The following ISM2 variants were observed in gnomAD, a reference collection of about 807,000 sequenced individuals.
ISM2 encodes the protein isthmin-2.
A neutral mutation model predicts 58.0 loss-of-function variants in ISM2; 50 were observed. The ratio of observed to expected loss-of-function variants is 0.86; its 90% CI spans 0.69 to 1.09. ISM2 has a LOEUF of 1.09. ISM2 is among the 50% of genes least tolerant of loss of function. The probability of loss-of-function intolerance (pLI) is 0.00; values close to 1 mark genes in which losing one functional copy is unlikely to be tolerated. For missense variants in ISM2, 723 were observed against 745.0 expected (o/e 0.97, Z 0.34); for synonymous variants, 303 against 312.4 (o/e 0.97, Z 0.32).
Position 77,482,489 on chromosome 14 carries a change from T to G in ISM2, c.806A>C (p.Lys269Thr). ...TGAAGGATAGTCCTCGTCTTCCTCC[T>G]TTTCCTCCCCCTTCTCCCCTGGGGC... ...DRAPGEKGEE[K>T]EEDEDYPSED... Residue 269 changes from lysine to threonine, a missense_variant, in exon 4 of 7, where the codon AAG becomes ACG. Lys to Thr is a moderately conservative substitution (Grantham distance 78, BLOSUM62 -1). Transcript: ENST00000342219. 3.7e-6 allele frequency: 6 copies of G among 1,614,168 alleles called. No individual in the cohort carries two copies. The highest frequency in any genetic ancestry group is 5.1e-6 in the Non-Finnish European group (6 of 1,180,018).
chr14:77,480,713 G>A (rs11844300), intron 4 of ISM2, among the ~76,000 whole-genome samples: 107,272 of 151,524 alleles, frequency 0.71, 39,901 homozygotes, highest in East Asian at 0.96. Context: ...AGGCGCCGCT[G>A]TGCCCAACTA....
rs370923800 is a variant in ISM2 at position 77,478,646 on chromosome 14, T to C, written c.1043A>G (p.Gln348Arg). 1.1e-4 allele frequency: 173 copies of C among 1,613,862 alleles called. No homozygotes were observed. The highest frequency in any genetic ancestry group is 1.4e-4 in the Non-Finnish European group (168 of 1,179,890). ...CSGNCSTGKQ[Q>R]RTRPCGYGCT... is the part of the protein sequence containing the mutation. ...GCCATAGCCACAGGGCCGAGTCCTC[T>C]GCTGCTTGCCAGTGCTGCAGTTCCC... Residue 348 changes from glutamine (Q) to arginine (R), a missense_variant, in exon 5 of 7, where the codon CAG becomes CGG. Coordinates refer to ENST00000342219, the MANE Select transcript of ISM2 (RefSeq NM_199296.3).
chr14:77,492,269 C>T (rs988750395), intron 1 of ISM2, among the ~76,000 whole-genome samples: 1 of 152,114 alleles, frequency 6.6e-6, no homozygotes, highest in Non-Finnish European at 1.5e-5. Flanking sequence ...GTGGTGGGTG[C>T]CAGGTTTAGG....
intron 1 of ISM2, among the ~76,000 whole-genome samples, chr14:77,487,108 G>C (rs2079172615): frequency 1.3e-5 from 2 of 151,882 alleles, no homozygotes; most frequent in Non-Finnish European, 2.9e-5. Flanking sequence ...AGCTGGGCAT[G>C]GTGGCAGGTG....
chr14:77,484,073 C>T lies in ISM2; in HGVS notation c.627+250G>A, dbSNP rs147574656. On this transcript the variant is annotated intron_variant, in intron 3 of 6. Coordinates refer to ENST00000342219, the MANE Select transcript of ISM2 (RefSeq NM_199296.3). Reference sequence around the variant, plus strand: ...GCCCTGCTGGGTTGGTGCTGTTTGTCTCTTGCCATGGTCTAGAGAACAAAG... The same window carrying T: ...GCCCTGCTGGGTTGGTGCTGTTTGTTTCTTGCCATGGTCTAGAGAACAAAG... 567 of 428,432 alleles carry T rather than the reference C, an allele frequency of 1.3e-3. 3 individuals are homozygous for T. Among genetic ancestry groups the T allele is most frequent in the African/African-American group, 0.01 (508 of 50,022 alleles). The allele number at this position is 428,432 out of a possible 1,614,324, so 26.5% of individuals were successfully genotyped here.
At chr14:77,480,639 C>T (rs1022910517) in intron 4 of ISM2, among the ~76,000 whole-genome samples, 47 of 141,500 alleles carry the variant, frequency 3.3e-4, no homozygotes, top group Admixed American at 9.1e-4. Flanking sequence ...CTCACTGCAG[C>T]CTTGACCTCC....
chr14:77,477,230 T>C (rs551856622), intron 6 of ISM2, among the ~76,000 whole-genome samples: 1 of 152,270 alleles, frequency 6.6e-6, no homozygotes, highest in African/African-American at 2.4e-5. Flanking sequence ...TGCAGAACCT[T>C]GCTCCTCACT....
chr14:77,487,981 C>T (rs952850818), intron 1 of ISM2, among the ~76,000 whole-genome samples: 1 of 152,150 alleles, frequency 6.6e-6, no homozygotes, highest in Non-Finnish European at 1.5e-5. Flanking sequence ...AAGTGAGCCA[C>T]GTACATCTCC....
chr14:77,478,246 ATC>A lies in ISM2; in HGVS notation c.1192_1193del (p.Asp398SerfsTer7), dbSNP rs2079109745. ...CAAGCCTAGCCCCTCACTCACCTTG[ATC>A]ATGCATGTCCGTAGCATTGCGGGCC... ...LLARNATDMH[D>X]QDVDSCEKWL... On this transcript the variant is annotated frameshift_variant, in exon 6 of 7. Transcript: ENST00000342219. LOFTEE classifies it high-confidence loss of function. 2 of 1,613,742 alleles carry A rather than the reference ATC, an allele frequency of 1.2e-6. No homozygotes were observed. Among genetic ancestry groups the A allele is most frequent in the Non-Finnish European group, 1.7e-6 (2 of 1,179,832 alleles).
chr14:77,488,778 G>A (rs2079183188), intron 1 of ISM2, among the ~76,000 whole-genome samples: 1 of 152,222 alleles, frequency 6.6e-6, no homozygotes, highest in Non-Finnish European at 1.5e-5. Flanking sequence ...CAACATGCCA[G>A]TTCTTCACAC....
intron 3 of ISM2, 94 bp downstream of exon 3, chr14:77,484,229 C>G (rs1228673903): frequency 6.7e-7 from 1 of 1,490,550 alleles, no homozygotes; most frequent in East Asian, 2.3e-5. Flanking sequence ...CCACCCTCCA[C>G]GGAATCCAGG....
chr14:77,495,103 T>C (rs1051714115), intron 1 of ISM2, among the ~76,000 whole-genome samples: 6 of 152,078 alleles, frequency 3.9e-5, no homozygotes, highest in Non-Finnish European at 8.8e-5. Flanking sequence ...TTGCTCAGGC[T>C]GGTCTTGAAC....
At position 77,498,332 on chromosome 14, in the gene ISM2, C is replaced by A. The variant is rs1352078826; in HGVS notation, c.141+321G>T. ...TAGCGCGCACCTGGAAAGGGGGCTG[C>A]AGGCGAGGTCCGCTCAGGGCGAGGA... On this transcript the variant is annotated intron_variant, in intron 1 of 6. Transcript: ENST00000342219. 5 of 1,398,966 alleles carry A rather than the reference C, an allele frequency of 3.6e-6. No individual in the cohort carries two copies. The African/African-American group carries it at 5.7e-5, about 16-fold the overall frequency. 86.7% of individuals were successfully genotyped at this position (1,398,966 alleles called of 1,614,324 possible).
chr14:77,490,013 G>A (rs939270095), intron 1 of ISM2, among the ~76,000 whole-genome samples: 1 of 152,146 alleles, frequency 6.6e-6, no homozygotes, highest in Admixed American at 6.5e-5. Flanking sequence ...ACAGGCGCCC[G>A]CCACCATGCC....
Position 77,478,327 on chromosome 14 carries a change from T to C in ISM2, c.1115-2A>G. On this transcript the variant is annotated splice_acceptor_variant, in intron 5 of 6. Coordinates refer to ENST00000342219, the MANE Select transcript of ISM2 (RefSeq NM_199296.3). LOFTEE classifies it high-confidence loss of function. ...CCAAGGTGTCCTTGTCCTCAGTGCC[T>C]TTGGGAGGAAAGGAGGCCAGGCTGG... 1 of 1,613,346 alleles carries C rather than the reference T, an allele frequency of 6.2e-7. No homozygotes were observed. Among genetic ancestry groups the C allele is most frequent in the Non-Finnish European group, 8.5e-7 (1 of 1,179,412 alleles).
chr14:77,480,450 T>A (rs1245285180), intron 4 of ISM2, among the ~76,000 whole-genome samples: 1 of 151,530 alleles, frequency 6.6e-6, no homozygotes, highest in Non-Finnish European at 1.5e-5. Context: ...CCCAAAATAC[T>A]GAGAGCTGGT....
Position 77,475,912 on chromosome 14 carries a change from T to C in ISM2, c.1399A>G (p.Ile467Val), listed in dbSNP as rs1297936778. 1.2e-6 allele frequency: 2 copies of C among 1,601,470 alleles called. No individual in the cohort carries two copies. Among genetic ancestry groups the C allele is most frequent in the Non-Finnish European group, 1.7e-6 (2 of 1,179,882 alleles). ...DASGPRERLD[I>V]YQPTARFCLR... ...CAGAAGCGCGCCGTGGGCTGGTAGA[T>C]GTCCAGGCGCTCGCGAGGGCCACTG... is the stretch of plus-strand genomic sequence containing the variant. The change falls in exon 7 of 7, where the codon ATC becomes GTC. Residue 467 changes from isoleucine to valine, a missense_variant. Ile to Val is a conservative substitution (Grantham distance 29). Transcript: ENST00000342219. The surrounding 1 kb of genome is among the most constrained non-coding windows in gnomAD (Gnocchi z 4.1).
chr14:77,478,821 G>C lies in ISM2; in HGVS notation c.974-106C>G, dbSNP rs1311829371. ...CCTCAGGTGGATGCAGCCCATGCCA[G>C]GGCTTCCAGCCTCATGAATGAAGCT... On this transcript the variant is annotated intron_variant, in intron 4 of 6. Coordinates refer to ENST00000342219, the MANE Select transcript of ISM2 (RefSeq NM_199296.3). 3 of 1,187,002 alleles carry C rather than the reference G, an allele frequency of 2.5e-6. No homozygotes were observed. In the East Asian group the frequency reaches 7.2e-5, roughly 28 times the overall value. The allele number at this position is 1,187,002 out of a possible 1,614,324, so 73.5% of individuals were successfully genotyped here. A position where few individuals can be genotyped will look rare whatever the true frequency, so the allele number is the denominator to read the frequency against.
At position 77,498,686 on chromosome 14, in the gene ISM2, T is replaced by TCCGCGGAG; in HGVS notation, c.100_107dup (p.Pro37SerfsTer24). The TCCGCGGAG allele has an allele frequency of 6.8e-7, 1 of 1,481,200 alleles. No individual in the cohort carries two copies. The highest frequency in any genetic ancestry group is 8.9e-7 in the Non-Finnish European group (1 of 1,123,976). The allele number at this position is 1,481,200 out of a possible 1,614,324, so 91.8% of individuals were successfully genotyped here. The stretch of plus-strand genomic sequence containing the variant: ...GCCTCGTGAGGCTCCCAGGCCGTGG[T>TCCGCGGAG]CCGCGGAGCCGCGGCTTCTTCACGG... On this transcript the variant is annotated frameshift_variant, in exon 1 of 7. Transcript: ENST00000342219. LOFTEE classifies it high-confidence loss of function.
Sources: allele counts gnomAD v4.1 joint callset (sites outside exome capture counted in the v4.1 genomes callset), GRCh38; gene constraint gnomAD v4.1.1; non-coding constraint Gnocchi (gnomAD v3.1); transcripts MANE v1.5; gene names NCBI Gene and HGNC (gene_info 2026-07-23, HGNC 2026-07-21).